The following AHCYL2 variants were observed in gnomAD, a reference collection of about 807,000 sequenced individuals.
AHCYL2 encodes the protein S-adenosylhomocysteine hydrolase-like protein 2.
A neutral mutation model predicts 81.4 loss-of-function variants in AHCYL2; 28 were observed. That is an observed-to-expected ratio of 0.34 (90% CI 0.25 to 0.47). The LOEUF is 0.47. Among genes scored for constraint, AHCYL2 ranks in the 20% least tolerant of loss-of-function variants. AHCYL2 has a pLI of 1.00. For missense variants in AHCYL2, 551 were observed against 785.1 expected, an observed-to-expected ratio of 0.70 and a Z score of 3.56; for synonymous variants, 272 against 290.2, an observed-to-expected ratio of 0.94 and a Z score of 0.64.
chr7:129,331,502 A>T (rs1167692591), intron 1 of AHCYL2, among the ~76,000 whole-genome samples: 1 of 152,184 alleles, frequency 6.6e-6, no homozygotes, highest in Non-Finnish European at 1.5e-5. Context: ...GATGCAACGT[A>T]TGTTGTTGAG....
At chr7:129,314,028 T>C (rs1251001229) in intron 1 of AHCYL2, among the ~76,000 whole-genome samples, 1 of 152,186 alleles carries the variant, frequency 6.6e-6, no homozygotes, top group African/African-American at 2.4e-5. Context: ...AAGTATCTGG[T>C]TAGATAAATT....
intron 1 of AHCYL2, among the ~76,000 whole-genome samples, chr7:129,328,936 C>G (rs932359837): frequency 6.6e-6 from 1 of 152,154 alleles, no homozygotes; most frequent in African/African-American, 2.4e-5. Context: ...TACATGGAAT[C>G]TTTTATTATG....
intron 1 of AHCYL2, among the ~76,000 whole-genome samples, chr7:129,264,311 C>T (rs1041346328): frequency 3.9e-5 from 6 of 152,230 alleles, no homozygotes; most frequent in East Asian, 3.8e-4. Context: ...TGAGCCACTG[C>T]GCCCGGCCAG....
chr7:129,257,359 G>T (rs1290702099), intron 1 of AHCYL2, among the ~76,000 whole-genome samples: 2 of 152,098 alleles, frequency 1.3e-5, no homozygotes, highest in Non-Finnish European at 2.9e-5. Flanking sequence ...AAGGGAACTT[G>T]GTGGTCAGAG....
chr7:129,345,828 G>A (rs1793342973), intron 1 of AHCYL2, among the ~76,000 whole-genome samples: 1 of 152,110 alleles, frequency 6.6e-6, no homozygotes, highest in African/African-American at 2.4e-5. Context: ...CCAGGTTTCC[G>A]AAATAGAGGC....
At chr7:129,271,145 G>T (rs961798299) in intron 1 of AHCYL2, among the ~76,000 whole-genome samples, 1 of 151,866 alleles carries the variant, frequency 6.6e-6, no homozygotes, top group Non-Finnish European at 1.5e-5. Flanking sequence ...GGCGGATCAC[G>T]AGGTCAGGAG....
At chr7:129,274,645 G>A (rs1335534662) in intron 1 of AHCYL2, among the ~76,000 whole-genome samples, 1 of 152,122 alleles carries the variant, frequency 6.6e-6, no homozygotes, top group Non-Finnish European at 1.5e-5. Context: ...GAAAAGCCTT[G>A]TGTCTTCTGC....
intron 1 of AHCYL2, among the ~76,000 whole-genome samples, chr7:129,367,095 A>C (rs1205671395): frequency 2.6e-5 from 4 of 152,146 alleles, no homozygotes; most frequent in Admixed American, 2.6e-4. Flanking sequence ...TATCTCAGTG[A>C]GCAGAGGGGT....
At chr7:129,397,354 A>G in intron 5 of AHCYL2, 30 bp downstream of exon 5, 7 of 1,597,896 alleles carry the variant, frequency 4.4e-6, no homozygotes, top group South Asian at 1.1e-5. Context: ...GCCTTTGGCT[A>G]AAGTAAGTCT....
chr7:129,423,071 T>C, intron 13 of AHCYL2, 133 bp downstream of exon 13: 1 of 652,512 alleles, frequency 1.5e-6, no homozygotes, highest in Non-Finnish European at 2.5e-6. Context: ...CCCAATGGAT[T>C]TTACTTCTAA....
rs112406596 is a variant in AHCYL2, at chr7:129,295,611, G to C, written c.363+70172G>C. 7.3e-3 allele frequency among the ~76,000 whole-genome samples: 1,113 copies of C among 152,188 alleles called. 16 individuals are homozygous for C. Among genetic ancestry groups the C allele is most frequent in the African/African-American group, 0.022 (904 of 41,528 alleles). ...TATAATATAGAAAAATAAAACTAAA[G>C]GTCAACAATCAACATACAGTAGGTG... On this transcript the variant is annotated intron_variant, in intron 1 of 16. Coordinates refer to ENST00000325006, the MANE Select transcript of AHCYL2 (RefSeq NM_015328.4).
chr7:129,251,315 AGAT>A (rs1273246263), intron 1 of AHCYL2, among the ~76,000 whole-genome samples: 8 of 103,436 alleles, frequency 7.7e-5, no homozygotes, highest in Admixed American at 1.5e-4. Flanking sequence ...CAGATAGTAA[AGAT>A]TTTTTTTTTT....
intron 1 of AHCYL2, among the ~76,000 whole-genome samples, chr7:129,278,713 G>C (rs1462830733): frequency 1.3e-5 from 2 of 148,736 alleles, no homozygotes; most frequent in East Asian, 3.9e-4. Context: ...TATACCAATG[G>C]CCCATTTTGA....
Position 129,409,489 on chromosome 7 carries a change from C to T in AHCYL2, c.1309C>T (p.Arg437Ter), listed in dbSNP as rs2150946168. ...CALQACMDGFRLVKLNEVIRQ... is the reference protein window; with the variant it reads ...CALQACMDGF ...TTATTTCAACAGTATGGATGGATTT[C>T]GACTGGTGAAATTAAATGAGGTCAT... The change falls in exon 11 of 17, where the codon CGA (arginine) becomes TGA (stop). Residue 437 changes from arginine to a stop codon, truncating the protein, a stop_gained. Coordinates refer to ENST00000325006, the MANE Select transcript of AHCYL2 (RefSeq NM_015328.4). LOFTEE classifies it high-confidence loss of function. 5 of 1,613,570 alleles carry T rather than the reference C, an allele frequency of 3.1e-6. No homozygotes were observed. The highest frequency in any genetic ancestry group is 4.2e-6 in the Non-Finnish European group (5 of 1,179,744).
chr7:129,291,449 C>G (rs958710280), intron 1 of AHCYL2, among the ~76,000 whole-genome samples: 4 of 150,036 alleles, frequency 2.7e-5, no homozygotes, highest in Admixed American at 2.6e-4. Flanking sequence ...TGCTAGGATT[C>G]AAATCATGCA....
At chr7:129,305,252 G>T (rs1236902180) in intron 1 of AHCYL2, among the ~76,000 whole-genome samples, 1 of 152,172 alleles carries the variant, frequency 6.6e-6, no homozygotes. Context: ...ACGAGGTCAA[G>T]AGATTGAGAC....
At chr7:129,276,124 A>G (rs1030164676) in intron 1 of AHCYL2, among the ~76,000 whole-genome samples, 2 of 152,170 alleles carry the variant, frequency 1.3e-5, no homozygotes, top group Non-Finnish European at 2.9e-5. Context: ...ACTTCTAAGT[A>G]ACTCATAGAT....
chr7:129,295,999 A>G (rs554164238), intron 1 of AHCYL2, among the ~76,000 whole-genome samples: 1 of 152,174 alleles, frequency 6.6e-6, no homozygotes, highest in Non-Finnish European at 1.5e-5. Context: ...ATTTTGGATA[A>G]ATATATAGCT....
intron 1 of AHCYL2, among the ~76,000 whole-genome samples, chr7:129,301,504 T>A (rs1383730446): frequency 1.3e-5 from 2 of 152,234 alleles, no homozygotes; most frequent in African/African-American, 4.8e-5. Context: ...GGTCTTAGAT[T>A]TAAATCTTTA....
Sources: allele counts gnomAD v4.1 joint callset (sites outside exome capture counted in the v4.1 genomes callset), GRCh38; gene constraint gnomAD v4.1.1; transcripts MANE v1.5; gene names NCBI Gene and HGNC (gene_info 2026-07-23, HGNC 2026-07-21).